ADCY1: variants seen among roughly 807,000 people sequenced by gnomAD.
The protein encoded by ADCY1 is adenylate cyclase type 1.
In ADCY1, 28 loss-of-function variants were observed where a neutral mutation model predicts 105.4. The observed-to-expected ratio is 0.27, with a 90% CI of 0.20 to 0.36. The LOEUF (loss-of-function observed/expected upper bound fraction) is 0.36, where lower values mean the gene tolerates loss of function less well. Ranked by LOEUF, ADCY1 falls within the 10% of genes least tolerant of loss-of-function variation. The pLI is 1.00. For synonymous variants in ADCY1, 655 were observed against 623.8 expected (o/e 1.05, Z -0.75); for missense variants, 977 against 1,434.2 (o/e 0.68, Z 5.15).
In ADCY1 at chr7:45,678,238, C is replaced by T. The variant is rs867056835; in HGVS notation, c.1873C>T (p.Leu625Phe). The T allele has an allele frequency of 1.2e-6, 2 of 1,614,022 alleles. No homozygotes were observed. The change falls in exon 10 of 20, where the codon CTT becomes TTT. Residue 625 changes from leucine (L) to phenylalanine (F), a missense_variant. Around this residue, in one of 7 missense-constraint regions of ADCY1, gnomAD observed 275 missense variants for 362.1 expected, o/e 0.76. Transcript: ENST00000297323. ...LTLILAALFG[L>F]VYLLIFPQSV... ...CCTCATCCTGGCTGCCTTATTTGGCCTTGTCTACCTTCTAATATTCCCACA... is the reference window on the plus strand; with the variant it reads ...CCTCATCCTGGCTGCCTTATTTGGCTTTGTCTACCTTCTAATATTCCCACA...
chr7:45,690,305 T>C (rs1394266684), intron 14 of ADCY1, among the ~76,000 whole-genome samples: 1 of 152,042 alleles, frequency 6.6e-6, no homozygotes, highest in Non-Finnish European at 1.5e-5. Flanking sequence ...CTTATGATGC[T>C]TGGACTATTT....
chr7:45,703,939 C>G lies in ADCY1; in HGVS notation c.2718+193C>G, dbSNP rs55969720. 0.19 allele frequency among the ~76,000 whole-genome samples: 28,167 copies of G among 152,134 alleles called. 2,885 individuals are homozygous for G. The highest frequency in any genetic ancestry group is 0.27 in the African/African-American group (11,290 of 41,474). On this transcript the variant is annotated intron_variant, in intron 16 of 19. Coordinates refer to ENST00000297323, the MANE Select transcript of ADCY1 (RefSeq NM_021116.4). The surrounding 1 kb of genome is among the most constrained non-coding windows in gnomAD (Gnocchi z 5.9). ...GACAGGAGAGAAGGGGGTCTTGACT[C>G]TAGGTTGGGGGACCAGGGCCACTGG... is the stretch of plus-strand genomic sequence containing the variant.
At chr7:45,580,810 G>A (rs1180768760) in intron 1 of ADCY1, among the ~76,000 whole-genome samples, 1 of 152,200 alleles carries the variant, frequency 6.6e-6, no homozygotes, top group South Asian at 2.1e-4. Flanking sequence ...TGGGGGCTGT[G>A]TGAGGACCTG....
intron 4 of ADCY1, among the ~76,000 whole-genome samples, chr7:45,643,340 G>A (rs1181556442): frequency 6.6e-6 from 1 of 150,840 alleles, no homozygotes; most frequent in East Asian, 1.9e-4. Context: ...TCACTCCTTG[G>A]ATTTTTATAT....
chr7:45,709,611 A>G (rs1295307639), intron 18 of ADCY1, among the ~76,000 whole-genome samples: 1 of 152,196 alleles, frequency 6.6e-6, no homozygotes, highest in Non-Finnish European at 1.5e-5. Context: ...CTCCTATGCC[A>G]TGCCAGCTCC....
chr7:45,648,844 A>T (rs763616744), intron 5 of ADCY1, 47 bp downstream of exon 5: 21 of 1,601,266 alleles, frequency 1.3e-5, no homozygotes, highest in African/African-American at 4.0e-5. Flanking sequence ...GCATCTACAC[A>T]TTGAAATCCT....
chr7:45,705,162 C>G (rs1482277723), intron 17 of ADCY1, among the ~76,000 whole-genome samples: 1 of 152,094 alleles, frequency 6.6e-6, no homozygotes, highest in Non-Finnish European at 1.5e-5. Flanking sequence ...GAAATTACAC[C>G]AGTTCTCTAC....
At position 45,575,676 on chromosome 7, in the gene ADCY1, G is replaced by A. The variant is rs1479503858; in HGVS notation, c.639+494G>A. ...CCTGCGGACCCGAGGGTGGTATATG[G>A]GTGGTGGGAAAGGACTTCGGCTCTT... On this transcript the variant is annotated intron_variant, in intron 1 of 19. Transcript: ENST00000297323. The surrounding 1 kb of genome is among the most constrained non-coding windows in gnomAD (Gnocchi z 4.7). Among the ~76,000 whole-genome samples, 1 of 152,276 alleles carries A rather than the reference G, an allele frequency of 6.6e-6. No individual in the cohort carries two copies.
At chr7:45,711,644 T>TATATATATATACACAC (rs1189707139) in intron 19 of ADCY1, among the ~76,000 whole-genome samples, 7 of 51,472 alleles carry the variant, frequency 1.4e-4, no homozygotes, top group South Asian at 8.2e-4. Flanking sequence ...TATATATATA[T>TATATATATATACACAC]ACACACACAC....
In ADCY1 at chr7:45,708,515, A is replaced by G; in HGVS notation, c.2932+51A>G. 1 of 1,411,980 alleles carries G rather than the reference A, an allele frequency of 7.1e-7. No individual in the cohort carries two copies. The highest frequency in any genetic ancestry group is 1.0e-6 in the Non-Finnish European group (1 of 998,900). The allele number at this position is 1,411,980 out of a possible 1,614,324, so 87.5% of individuals were successfully genotyped here. On this transcript the variant is annotated intron_variant, in intron 18 of 19. Transcript: ENST00000297323. The surrounding 1 kb of genome is among the most constrained non-coding windows in gnomAD (Gnocchi z 4.7). ...CCATCCATGTGGAACACCTTCCTACACCCACCTAGGGGTGGGATCAGCTGA... is the reference window on the plus strand; with the variant it reads ...CCATCCATGTGGAACACCTTCCTACGCCCACCTAGGGGTGGGATCAGCTGA...
rs1035534435 is a variant in ADCY1 at position 45,686,551 on chromosome 7, G to GGT, written c.2334_2335dup (p.Ala779ValfsTer32). 1 of 1,610,448 alleles carries GGT rather than the reference G, an allele frequency of 6.2e-7. No homozygotes were observed. Among genetic ancestry groups the GGT allele is most frequent in the African/African-American group, 1.3e-5 (1 of 74,872 alleles). ...TTCTTCCTCATCTTCCCCCAGGGGT[G>GGT]GTGCCGTCTCCGGGCGCAGCTACGA... On this transcript the variant is annotated frameshift_variant, in exon 14 of 20. Transcript: ENST00000297323. LOFTEE classifies it high-confidence loss of function. The surrounding 1 kb of genome is among the most constrained non-coding windows in gnomAD (Gnocchi z 4.3).
intron 1 of ADCY1, among the ~76,000 whole-genome samples, chr7:45,585,414 G>A (rs1345776036): frequency 2.0e-5 from 3 of 151,234 alleles, no homozygotes; most frequent in Non-Finnish European, 4.4e-5. Context: ...CTCGTCACTG[G>A]CAGGGTCCCA....
At chr7:45,597,572 T>C (rs1370296997) in intron 2 of ADCY1, among the ~76,000 whole-genome samples, 1 of 152,158 alleles carries the variant, frequency 6.6e-6, no homozygotes, top group Non-Finnish European at 1.5e-5. Context: ...ATACAGACAC[T>C]AGGAGCTTTC....
rs1785332253 is a variant in ADCY1, at chr7:45,714,792, T to A, written c.*797T>A. The A allele has an allele frequency of 6.6e-6, 1 of 152,654 alleles. No individual in the cohort carries two copies. Among genetic ancestry groups the A allele is most frequent in the South Asian group, 2.1e-4 (1 of 4,836 alleles). 9.5% of individuals were successfully genotyped at this position (152,654 alleles called of 1,614,324 possible). ...CATTCTCCACCCCTCCGCCAATGGC[T>A]TCCAGCTCCTAAAACACCTGGACAT... On this transcript the variant is annotated 3_prime_UTR_variant, in exon 20 of 20. Transcript: ENST00000297323.
intron 9 of ADCY1, 51 bp downstream of exon 9, chr7:45,678,114 C>G: frequency 6.2e-7 from 1 of 1,613,634 alleles, no homozygotes; most frequent in South Asian, 1.1e-5. Context: ...GAAGGCGCTG[C>G]CTGGCTGGAG....
rs368067356 is a variant in ADCY1 at position 45,699,000 on chromosome 7, T to C, written c.2455-4376T>C. 7.2e-5 allele frequency among the ~76,000 whole-genome samples: 11 copies of C among 152,332 alleles called. No individual in the cohort carries two copies. In the East Asian group the frequency reaches 1.9e-3, roughly 27 times the overall value. ...CATTCTGTGTTTAAAATACAGTCTTTTGAGCATACAGCCAGCTGAGTACCA... is the reference window on the plus strand; with the variant it reads ...CATTCTGTGTTTAAAATACAGTCTTCTGAGCATACAGCCAGCTGAGTACCA... On this transcript the variant is annotated intron_variant, in intron 14 of 19. Transcript: ENST00000297323.
intron 4 of ADCY1, among the ~76,000 whole-genome samples, chr7:45,642,314 G>C: frequency 6.6e-6 from 1 of 152,202 alleles, no homozygotes; most frequent in Non-Finnish European, 1.5e-5. Context: ...GTGGGCCCTG[G>C]TTTGTACCTG....
chr7:45,679,030 A>G (rs1167858755), intron 10 of ADCY1, among the ~76,000 whole-genome samples: 1 of 152,242 alleles, frequency 6.6e-6, no homozygotes, highest in Admixed American at 6.5e-5. Context: ...TAACATTTAA[A>G]CATCATATAA....
At chr7:45,601,116 G>A (rs1036315653) in intron 2 of ADCY1, among the ~76,000 whole-genome samples, 2 of 152,200 alleles carry the variant, frequency 1.3e-5, no homozygotes, top group East Asian at 3.8e-4. Context: ...GCCTGGACTG[G>A]TGAGTGCCTG....
Sources: gnomAD v4.1 joint callset for allele counts (sites outside exome capture counted in the v4.1 genomes callset) on GRCh38, gnomAD v4.1.1 for gene constraint, gnomAD v4.1.1 regional missense constraint, Gnocchi (gnomAD v3.1) non-coding constraint, MANE v1.5 for transcripts, NCBI Gene and HGNC (gene_info 2026-07-23, HGNC 2026-07-21) for gene names.